STK10: variants seen among roughly 807,000 people sequenced by gnomAD.
STK10 encodes serine/threonine-protein kinase 10.
In STK10, 78 loss-of-function variants were observed where a neutral mutation model predicts 113.8. The observed-to-expected ratio is 0.69, with a 90% CI of 0.57 to 0.83. STK10 has a LOEUF of 0.83. Ranked by LOEUF, STK10 falls within the 40% of genes least tolerant of loss-of-function variation. STK10 has a pLI of 0.00. For synonymous variants in STK10, 465 were observed against 494.7 expected (o/e 0.94, Z 0.80); for missense variants, 1,109 against 1,280.1 (o/e 0.87, Z 2.04).
At chr5:172,084,275 C>G (rs1018396741) in intron 10 of STK10, among the ~76,000 whole-genome samples, 1 of 151,958 alleles carries the variant, frequency 6.6e-6, no homozygotes, top group Non-Finnish European at 1.5e-5. Flanking sequence ...TGGTGCATGC[C>G]TGTAATCCCA....
rs1326162335 is a variant in STK10, at chr5:172,113,699, C to T, written c.520+3782G>A. Among the ~76,000 whole-genome samples, 6 of 152,086 alleles carry T rather than the reference C, an allele frequency of 3.9e-5. No individual in the cohort carries two copies. In the South Asian group the frequency reaches 8.3e-4, roughly 21 times the overall value. Reference sequence around the variant, plus strand: ...TGGGAGGCTGAGGCAGGCAGATCACCTGAGGTCAGGAGTTCGAGACAAAAA... The same window carrying T: ...TGGGAGGCTGAGGCAGGCAGATCACTTGAGGTCAGGAGTTCGAGACAAAAA... On this transcript the variant is annotated intron_variant, in intron 4 of 18. Transcript: ENST00000176763.
Position 172,188,082 on chromosome 5 carries a change from G to A in STK10, c.-40C>T, listed in dbSNP as rs1770994075. The A allele has an allele frequency of 1.3e-6, 2 of 1,597,388 alleles. No individual in the cohort carries two copies. Among genetic ancestry groups the A allele is most frequent in the Non-Finnish European group, 1.7e-6 (2 of 1,172,054 alleles). On this transcript the variant is annotated 5_prime_UTR_variant, in exon 1 of 19. Transcript: ENST00000176763. The surrounding 1 kb of genome is among the most constrained non-coding windows in gnomAD (Gnocchi z 5.6). Reference sequence around the variant, plus strand: ...TGGCGCCGGCTCGGGCTCGGGCTCGGGCTCGGGCTGTGGCTTCGGCGGCCG... The same window carrying A: ...TGGCGCCGGCTCGGGCTCGGGCTCGAGCTCGGGCTGTGGCTTCGGCGGCCG...
rs1266177076 is a variant in STK10, at chr5:172,187,985, A to C, written c.58T>G (p.Ser20Ala). 7 of 1,613,448 alleles carry C rather than the reference A, an allele frequency of 4.3e-6. No individual in the cohort carries two copies. Among genetic ancestry groups the C allele is most frequent in the Non-Finnish European group, 5.1e-6 (6 of 1,179,750 alleles). The change falls in exon 1 of 19, where the codon TCC (serine) becomes GCC (alanine). Residue 20 changes from serine (S) to alanine (A), a missense_variant. By Grantham distance (99) the Ser-to-Ala change is moderately conservative (BLOSUM62 1). Transcript: ENST00000176763. The surrounding 1 kb of genome is among the most constrained non-coding windows in gnomAD (Gnocchi z 4.6). ...CGGCGGACGTGCTCATATTCGCGGG[A>C]CTTTCTCTTCTCGAAGGTAGACAGG... Reference protein sequence around the residue: ...LRLSTFEKRKSREYEHVRRDL... With the variant: ...LRLSTFEKRKAREYEHVRRDL...
intron 4 of STK10, among the ~76,000 whole-genome samples, chr5:172,113,645 G>A (rs1388130872): frequency 2.6e-5 from 4 of 152,108 alleles, no homozygotes; most frequent in Admixed American, 2.0e-4. Context: ...CACCGGACAC[G>A]GTGGCTCATG....
chr5:172,057,579 C>G, intron 14 of STK10, 106 bp from the exon 15 acceptor site: 2 of 1,468,968 alleles, frequency 1.4e-6, no homozygotes, highest in Non-Finnish European at 1.8e-6. Context: ...AGATGATAAC[C>G]AACCTGCTGG....
intron 4 of STK10, among the ~76,000 whole-genome samples, chr5:172,113,111 T>C (rs1769276657): frequency 6.6e-6 from 1 of 152,220 alleles, no homozygotes; most frequent in African/African-American, 2.4e-5. Flanking sequence ...AAAACTGAAA[T>C]GCATATGTAG....
chr5:172,099,189 G>A (rs1372333896), intron 7 of STK10, among the ~76,000 whole-genome samples: 1 of 151,048 alleles, frequency 6.6e-6, no homozygotes, highest in African/African-American at 2.4e-5. Flanking sequence ...CCATCACCAT[G>A]ACCATTACCA....
rs542908883 is a variant in STK10, at chr5:172,183,123, C to T, written c.156+4764G>A. Among the ~76,000 whole-genome samples, 20 of 152,200 alleles carry T rather than the reference C, an allele frequency of 1.3e-4. No individual in the cohort carries two copies. The South Asian group carries it at 1.9e-3, about 14-fold the overall frequency. ...TCTGGAGGCTGAGACAGGAGGATCCCTTGAGCCCAGGAGTTCGAGGCTGAA... is the reference window on the plus strand; with the variant it reads ...TCTGGAGGCTGAGACAGGAGGATCCTTTGAGCCCAGGAGTTCGAGGCTGAA... On this transcript the variant is annotated intron_variant, in intron 1 of 18. Transcript: ENST00000176763.
chr5:172,136,372 G>T (rs1769859314), intron 2 of STK10, among the ~76,000 whole-genome samples: 1 of 152,296 alleles, frequency 6.6e-6, no homozygotes, highest in East Asian at 1.9e-4. Flanking sequence ...CGAGGCGGGT[G>T]GACACGTGAG....
rs1203957398 is a variant in STK10 at position 172,156,911 on chromosome 5, A to G, written c.157-123T>C. The G allele has an allele frequency of 8.9e-6, 10 of 1,122,012 alleles. No individual in the cohort carries two copies. The East Asian group carries it at 2.4e-4, about 27-fold the overall frequency. The allele number at this position is 1,122,012 out of a possible 1,614,324, so 69.5% of individuals were successfully genotyped here. On this transcript the variant is annotated intron_variant, in intron 1 of 18. Coordinates refer to ENST00000176763, the MANE Select transcript of STK10 (RefSeq NM_005990.4). ...GCCGGATGTCCAGATGCTGAACCGG[A>G]ACGTACATTGTTCTTAACAATAGCC... is the stretch of plus-strand genomic sequence containing the variant.
chr5:172,152,289 A>G (rs1193485974), intron 2 of STK10, among the ~76,000 whole-genome samples: 1 of 152,230 alleles, frequency 6.6e-6, no homozygotes, highest in Non-Finnish European at 1.5e-5. Flanking sequence ...ACATATGTGC[A>G]TTCAGAAATG....
intron 1 of STK10, among the ~76,000 whole-genome samples, chr5:172,186,440 G>A (rs1350615660): frequency 6.6e-6 from 1 of 151,906 alleles, no homozygotes; most frequent in Admixed American, 6.6e-5. Flanking sequence ...CCTGGGCTAC[G>A]TGGCGAAACC....
chr5:172,106,351 A>G (rs1361000233), intron 6 of STK10, among the ~76,000 whole-genome samples: 1 of 141,618 alleles, frequency 7.1e-6, no homozygotes, highest in African/African-American at 2.6e-5. Flanking sequence ...GCAGTGAGCT[A>G]TGACTGCACC....
At chr5:172,147,430 C>T (rs867525104) in intron 2 of STK10, among the ~76,000 whole-genome samples, 17 of 151,520 alleles carry the variant, frequency 1.1e-4, no homozygotes, top group African/African-American at 3.6e-4. Context: ...CTTGCTCTGT[C>T]GTCCAGGCTG....
chr5:172,156,572 A>G, intron 2 of STK10, 52 bp downstream of exon 2: 1 of 1,574,704 alleles, frequency 6.4e-7, no homozygotes, highest in Non-Finnish European at 8.6e-7. Context: ...GGCTAGCTCC[A>G]GAGCACCAGG....
intron 2 of STK10, among the ~76,000 whole-genome samples, chr5:172,150,482 A>G (rs1479895902): frequency 3.3e-5 from 4 of 119,912 alleles, no homozygotes; most frequent in Admixed American, 1.5e-4. Flanking sequence ...ACAACACCTC[A>G]AAAAAAAAAA....
At chr5:172,101,820 G>T (rs1768996122) in intron 7 of STK10, among the ~76,000 whole-genome samples, 2 of 152,204 alleles carry the variant, frequency 1.3e-5, no homozygotes, top group South Asian at 4.1e-4. Context: ...GGATCCGGAG[G>T]AAGGCCATTC....
intron 12 of STK10, among the ~76,000 whole-genome samples, chr5:172,066,312 GA>G (rs1232454945): frequency 6.9e-6 from 1 of 144,458 alleles, no homozygotes; most frequent in Non-Finnish European, 1.5e-5. Flanking sequence ...TGGTACAGGG[GA>G]TAAGTTTCCT....
At chr5:172,101,925 G>A (rs1418592745) in intron 7 of STK10, among the ~76,000 whole-genome samples, 8 of 151,890 alleles carry the variant, frequency 5.3e-5, no homozygotes, top group Non-Finnish European at 1.2e-4. Flanking sequence ...AGAAGAGTGA[G>A]GCTGGAGTGT....
Sources: allele counts gnomAD v4.1 joint callset (sites outside exome capture counted in the v4.1 genomes callset), GRCh38; gene constraint gnomAD v4.1.1; non-coding constraint Gnocchi (gnomAD v3.1); transcripts MANE v1.5; gene names NCBI Gene and HGNC (gene_info 2026-07-23, HGNC 2026-07-21).